RBFOX1: variants seen among roughly 807,000 people sequenced by gnomAD.
RBFOX1 encodes the protein RNA binding fox-1 homolog 1.
RBFOX1 carries 8 observed loss-of-function variants against 57.7 expected under a neutral mutation model. The ratio of observed to expected loss-of-function variants is 0.14; its 90% confidence interval spans 0.08 to 0.25. The LOEUF (loss-of-function observed/expected upper bound fraction) is 0.25, where lower values mean the gene tolerates loss of function less well. Ranked by LOEUF, RBFOX1 falls within the 10% of genes least tolerant of loss-of-function variation. RBFOX1 has a pLI of 1.00. For synonymous variants in RBFOX1, 326 were observed against 222.4 expected (o/e 1.47, Z -4.15); for missense variants, 611 against 548.5 (o/e 1.11, Z -1.14).
intron 2 of RBFOX1, among the ~76,000 whole-genome samples, chr16:6,595,368 A>G (rs529136397): frequency 1.1e-4 from 16 of 152,316 alleles, no homozygotes; most frequent in East Asian, 5.8e-4. Context: ...AGGGCCATCA[A>G]TGTTGTACCA....
intron 4 of RBFOX1, among the ~76,000 whole-genome samples, chr16:7,058,672 G>C (rs1275601105): frequency 1.3e-5 from 2 of 152,142 alleles, no homozygotes; most frequent in Non-Finnish European, 2.9e-5. Flanking sequence ...TGTTAGAAAA[G>C]TGTCTGGAAT....
intron 1 of RBFOX1, among the ~76,000 whole-genome samples, chr16:6,043,392 T>A (rs1408397415): frequency 6.6e-6 from 1 of 152,162 alleles, no homozygotes; most frequent in African/African-American, 2.4e-5. Flanking sequence ...CAAAGAAACA[T>A]TTTGGGATAC....
intron 2 of RBFOX1, among the ~76,000 whole-genome samples, chr16:6,426,375 A>T (rs75716745): frequency 6.6e-6 from 1 of 152,138 alleles, no homozygotes; most frequent in Non-Finnish European, 1.5e-5. Flanking sequence ...GGAGAAGGAA[A>T]GTGTCCAGGA....
chr16:5,460,511 G>T (rs1311313946), intron 1 of RBFOX1, among the ~76,000 whole-genome samples: 1 of 152,144 alleles, frequency 6.6e-6, no homozygotes, highest in African/African-American at 2.4e-5. Flanking sequence ...GAGGCTCAGG[G>T]CCCAGGAGAA....
chr16:6,519,893 C>T (rs916952853), intron 2 of RBFOX1, among the ~76,000 whole-genome samples: 1 of 152,090 alleles, frequency 6.6e-6, no homozygotes, highest in Non-Finnish European at 1.5e-5. Flanking sequence ...TGATATATAC[C>T]AGAACTGTGG....
At chr16:5,514,187 T>C (rs1185686039) in intron 2 of RBFOX1, among the ~76,000 whole-genome samples, 1 of 152,166 alleles carries the variant, frequency 6.6e-6, no homozygotes, top group Non-Finnish European at 1.5e-5. Context: ...CAGCTGGCAA[T>C]CCTGCTGGCT....
intron 3 of RBFOX1, among the ~76,000 whole-genome samples, chr16:6,896,840 A>T (rs1317665621): frequency 2.6e-5 from 4 of 152,340 alleles, no homozygotes; most frequent in Admixed American, 2.6e-4. Context: ...AGAAGATTGC[A>T]GGTAATATAA....
intron 4 of RBFOX1, among the ~76,000 whole-genome samples, chr16:7,062,835 A>T (rs2054812097): frequency 7.2e-6 from 1 of 138,134 alleles, no homozygotes; most frequent in African/African-American, 2.7e-5. Context: ...TTTATGTTTA[A>T]CCCTGGTTAT....
At chr16:7,055,754 A>G (rs79256003) in intron 4 of RBFOX1, among the ~76,000 whole-genome samples, 1,817 of 152,294 alleles carry the variant, frequency 0.012, 45 homozygotes, top group African/African-American at 0.042. Context: ...ATTTACTTAA[A>G]CTGGAGGAAG....
At chr16:7,075,964 C>T (rs946369825) in intron 4 of RBFOX1, among the ~76,000 whole-genome samples, 1 of 151,994 alleles carries the variant, frequency 6.6e-6, no homozygotes. Context: ...CACTTTGCCA[C>T]CGTCCTTGCA....
Position 7,628,846 on chromosome 16 carries a change from C to T in RBFOX1, c.677-1757C>T, listed in dbSNP as rs566893044. On this transcript the variant is annotated intron_variant, in intron 10 of 15. Transcript: ENST00000550418. ...CAGGCTGGTCTCGAACTCCTAACCT[C>T]AGGTGATCTACCTGCCTTGGCCTCC... 3.5e-4 allele frequency among the ~76,000 whole-genome samples: 53 copies of T among 152,156 alleles called. 1 individual carries two copies. The highest frequency in any genetic ancestry group is 4.9e-4 in the Non-Finnish European group (33 of 68,036).
At chr16:6,311,070 G>T (rs28496008) in intron 1 of RBFOX1, among the ~76,000 whole-genome samples, 4 of 152,000 alleles carry the variant, frequency 2.6e-5, no homozygotes, top group Admixed American at 2.6e-4. Flanking sequence ...GCCAAGGCGG[G>T]CAAATCACAA....
In RBFOX1 at chr16:7,552,810, G is replaced by C. The variant is rs568512270; in HGVS notation, c.271-26967G>C. Among the ~76,000 whole-genome samples the C allele has an allele frequency of 4.6e-5, 7 of 152,248 alleles. No individual in the cohort carries two copies. The East Asian group carries it at 1.4e-3, about 29-fold the overall frequency. On this transcript the variant is annotated intron_variant, in intron 5 of 15. Transcript: ENST00000550418. Reference sequence around the variant, plus strand: ...AGATTCTCCTGCCTCAGACTCTCGAGTAGCTGGGATTACAGTTTCCTGCCA... The same window carrying C: ...AGATTCTCCTGCCTCAGACTCTCGACTAGCTGGGATTACAGTTTCCTGCCA...
chr16:6,431,689 A>G (rs963474258), intron 2 of RBFOX1, among the ~76,000 whole-genome samples: 1 of 151,968 alleles, frequency 6.6e-6, no homozygotes, highest in Admixed American at 6.6e-5. Context: ...ATATGATGGG[A>G]AGCCAGCCAT....
intron 4 of RBFOX1, among the ~76,000 whole-genome samples, chr16:7,271,770 A>G (rs959228990): frequency 2.0e-5 from 3 of 152,094 alleles, no homozygotes; most frequent in African/African-American, 4.8e-5. Flanking sequence ...CTCTGTATCC[A>G]TAGCTAAGGG....
intron 3 of RBFOX1, among the ~76,000 whole-genome samples, chr16:5,722,141 G>C (rs2051959896): frequency 6.6e-6 from 1 of 152,180 alleles, no homozygotes; most frequent in African/African-American, 2.4e-5. Flanking sequence ...AGTTACAATG[G>C]ATAATATTAC....
Position 6,960,268 on chromosome 16 carries a change from T to A in RBFOX1, c.-15-91789T>A, listed in dbSNP as rs187296593. Reference sequence around the variant, plus strand: ...AATTTACTGAGGCTGCAGAGGAAGGTCTTCAGGCCTCAGATCTTATAGATG... The same window carrying A: ...AATTTACTGAGGCTGCAGAGGAAGGACTTCAGGCCTCAGATCTTATAGATG... On this transcript the variant is annotated intron_variant, in intron 3 of 15. Coordinates refer to ENST00000550418, the MANE Select transcript of RBFOX1 (RefSeq NM_018723.4). Among the ~76,000 whole-genome samples the A allele has an allele frequency of 4.6e-5, 7 of 152,260 alleles. No homozygotes were observed. The East Asian group carries it at 1.4e-3, about 29-fold the overall frequency.
At chr16:5,476,283 C>T (rs1293606502) in intron 2 of RBFOX1, among the ~76,000 whole-genome samples, 2 of 152,094 alleles carry the variant, frequency 1.3e-5, no homozygotes, top group East Asian at 3.9e-4. Context: ...TTTTACTTGT[C>T]AATTAAAAAA....
intron 3 of RBFOX1, among the ~76,000 whole-genome samples, chr16:5,827,402 G>GAAAAAAAAAAAAA (rs374545272): frequency 4.0e-5 from 4 of 100,458 alleles, no homozygotes; most frequent in Non-Finnish European, 4.0e-5. Context: ...TCCATCTCAG[G>GAAAAAAAAAAAAA]GAAAAAAAAA....
Sources: allele counts gnomAD v4.1 joint callset (sites outside exome capture counted in the v4.1 genomes callset), GRCh38; gene constraint gnomAD v4.1.1; transcripts MANE v1.5; gene names NCBI Gene and HGNC (gene_info 2026-07-23, HGNC 2026-07-21).